The following ZNF721 variants were observed in gnomAD, a reference collection of about 807,000 sequenced individuals.
The protein encoded by ZNF721 is zinc finger protein 721.
A neutral mutation model predicts 2.4 loss-of-function variants in ZNF721; 2 were observed. That is an observed-to-expected ratio of 0.82 (90% CI 0.34 to 2.58). ZNF721 has a LOEUF of 2.58. Among genes scored for constraint, ZNF721 ranks in the 30% most tolerant of loss-of-function variants. The pLI is 0.11. For synonymous variants in ZNF721, 398 were observed against 381.8 expected (o/e 1.04, Z -0.50); for missense variants, 1,187 against 1,085.5 (o/e 1.09, Z -1.31).
intron 2 of ZNF721, among the ~76,000 whole-genome samples, chr4:465,001 C>G (rs1715198891): frequency 6.6e-6 from 1 of 151,060 alleles, no homozygotes. Flanking sequence ...AGAAGAATTG[C>G]TTGAACCCAG....
In ZNF721 at chr4:497,732, C is replaced by CCA. The variant is rs1553872716; in HGVS notation, c.-94+1323_-94+1324insTG. ...TGAAACCCGTCACTACTAAAAAATACAAAAAAAAAAAAAAAATTTGACGGG... is the reference window on the plus strand; with the variant it reads ...TGAAACCCGTCACTACTAAAAAATACCAAAAAAAAAAAAAAAAATTTGACGGG... On this transcript the variant is annotated intron_variant, in intron 1 of 2. Transcript: ENST00000511833. Among the ~76,000 whole-genome samples, 83 of 123,978 alleles carry CCA rather than the reference C, an allele frequency of 6.7e-4. 1 individual carries two copies. Among genetic ancestry groups the CCA allele is most frequent in the Middle Eastern group, 4.2e-3 (1 of 238 alleles). The allele number at this position is 123,978 out of a possible 152,430, so 81.3% of individuals were successfully genotyped here. A position where few individuals can be genotyped will look rare whatever the true frequency, so the allele number is the denominator to read the frequency against.
chr4:442,688 G>A lies in ZNF721; in HGVS notation c.1779C>T (p.Ala593=). The A allele has an allele frequency of 6.2e-7, 1 of 1,614,108 alleles. No individual in the cohort carries two copies. The highest frequency in any genetic ancestry group is 8.5e-7 in the Non-Finnish European group (1 of 1,179,994). The change falls in exon 3 of 3, where the codon GCC becomes GCT. Residue 593 remains alanine, a synonymous_variant. Coordinates refer to ENST00000511833, the MANE Select transcript of ZNF721 (RefSeq NM_133474.4). ...KPYKCEECGK[A]FGRYTDLNQH... ...GATTCAGGTCTGTGTACCGTCCAAAGGCTTTGCCACACTCTTCACATTTGT... is the reference window on the plus strand; with the variant it reads ...GATTCAGGTCTGTGTACCGTCCAAAAGCTTTGCCACACTCTTCACATTTGT...
intron 1 of ZNF721, among the ~76,000 whole-genome samples, chr4:491,527 A>G (rs1016922234): frequency 1.3e-5 from 2 of 152,370 alleles, no homozygotes; most frequent in East Asian, 3.9e-4. Context: ...CCAAATGTAA[A>G]TGTTTCAAGA....
chr4:467,783 T>A (rs1715297419), intron 2 of ZNF721, among the ~76,000 whole-genome samples: 2 of 152,234 alleles, frequency 1.3e-5, no homozygotes, highest in Admixed American at 6.5e-5. Context: ...TCAAGCCATT[T>A]GTAGTCACAG....
Position 459,008 on chromosome 4 carries a change from C to T in ZNF721, c.34+13567G>A, listed in dbSNP as rs1431372173. Among the ~76,000 whole-genome samples the T allele has an allele frequency of 2.0e-5, 3 of 152,284 alleles. No homozygotes were observed. The East Asian group carries it at 5.8e-4, about 29-fold the overall frequency. The stretch of plus-strand genomic sequence containing the variant: ...AAAGTGGGGGCCAATATTCAACATT[C>T]TTAAAGAAAATAATTTTCAACCCAG... On this transcript the variant is annotated intron_variant, in intron 2 of 2. Transcript: ENST00000511833.
chr4:472,794 G>T, intron 1 of ZNF721, 93 bp from the exon 2 acceptor site: 1 of 1,523,460 alleles, frequency 6.6e-7, no homozygotes, highest in African/African-American at 1.4e-5. Flanking sequence ...GACTGACTGG[G>T]ATTATCTGAT....
chr4:472,840 A>T, intron 1 of ZNF721, 139 bp from the exon 2 acceptor site: 1 of 1,188,974 alleles, frequency 8.4e-7, no homozygotes, highest in Non-Finnish European at 1.2e-6. Context: ...TCTCTAAAGT[A>T]TTCTATAGCT....
intron 1 of ZNF721, among the ~76,000 whole-genome samples, chr4:497,485 G>A (rs1716216151): frequency 6.6e-6 from 1 of 152,102 alleles, no homozygotes; most frequent in Non-Finnish European, 1.5e-5. Context: ...CAAAGTTAAG[G>A]ACGCCCATGA....
At chr4:483,254 A>G (rs1403230629) in intron 1 of ZNF721, among the ~76,000 whole-genome samples, 3 of 152,230 alleles carry the variant, frequency 2.0e-5, no homozygotes, top group Admixed American at 1.3e-4. Context: ...CAAACAATCT[A>G]TAACATTGCC....
chr4:495,685 C>G (rs1553872131), intron 1 of ZNF721, among the ~76,000 whole-genome samples: 8 of 151,060 alleles, frequency 5.3e-5, no homozygotes, highest in Non-Finnish European at 1.2e-4. Flanking sequence ...TCACTGCAAC[C>G]TCCACCTCCC....
intron 1 of ZNF721, among the ~76,000 whole-genome samples, chr4:492,271 A>C (rs1716043828): frequency 6.6e-6 from 1 of 152,168 alleles, no homozygotes; most frequent in African/African-American, 2.4e-5. Context: ...ATAAAACATA[A>C]AATCTGTCAG....
intron 1 of ZNF721, among the ~76,000 whole-genome samples, chr4:495,338 A>AG (rs1250426622): frequency 2.0e-5 from 3 of 151,568 alleles, no homozygotes; most frequent in Non-Finnish European, 4.4e-5. Context: ...GCTCAAAAAA[A>AG]AAAAAAAAAA....
intron 1 of ZNF721, among the ~76,000 whole-genome samples, chr4:482,784 C>A (rs782016977): frequency 6.6e-6 from 1 of 152,276 alleles, no homozygotes; most frequent in South Asian, 2.1e-4. Context: ...TGTGAGCCAC[C>A]GCGCTTGGCC....
chr4:485,791 T>A (rs1553870217), intron 1 of ZNF721, among the ~76,000 whole-genome samples: 1 of 152,020 alleles, frequency 6.6e-6, no homozygotes, highest in Non-Finnish European at 1.5e-5. Context: ...CTGGCCAACA[T>A]GGGTGAAACC....
intron 2 of ZNF721, among the ~76,000 whole-genome samples, chr4:463,996 A>C (rs1436135505): frequency 6.6e-6 from 1 of 152,246 alleles, no homozygotes; most frequent in East Asian, 1.9e-4. Context: ...AAGATGCAAA[A>C]GTACAAAGAT....
chr4:447,714 T>C (rs1168032569), intron 2 of ZNF721, among the ~76,000 whole-genome samples: 2 of 152,194 alleles, frequency 1.3e-5, no homozygotes, highest in Non-Finnish European at 2.9e-5. Context: ...TTGATGCAAA[T>C]AACCAAATTA....
intron 2 of ZNF721, among the ~76,000 whole-genome samples, chr4:454,850 A>G (rs1435718977): frequency 6.6e-6 from 1 of 152,226 alleles, no homozygotes; most frequent in Admixed American, 6.5e-5. Context: ...CCTATATGTT[A>G]GTTATTGAAA....
rs575446002 is a variant in ZNF721, at chr4:456,691, T to C, written c.35-12259A>G. On this transcript the variant is annotated intron_variant, in intron 2 of 2. Coordinates refer to ENST00000511833, the MANE Select transcript of ZNF721 (RefSeq NM_133474.4). ...GTCAAGAGATCGAGACCATTCTGGC[T>C]AACATGGTGAAACCCTGTCTCTACT... Among the ~76,000 whole-genome samples, 12 of 152,200 alleles carry C rather than the reference T, an allele frequency of 7.9e-5. No homozygotes were observed. The East Asian group carries it at 2.1e-3, about 27-fold the overall frequency.
intron 2 of ZNF721, among the ~76,000 whole-genome samples, chr4:462,192 T>A (rs1353969372): frequency 1.3e-5 from 2 of 152,102 alleles, no homozygotes; most frequent in Non-Finnish European, 2.9e-5. Context: ...GGAATACAAT[T>A]TACAAGGGAT....
Sources: gnomAD v4.1 joint callset for allele counts (sites outside exome capture counted in the v4.1 genomes callset) on GRCh38, gnomAD v4.1.1 for gene constraint, MANE v1.5 for transcripts, NCBI Gene and HGNC (gene_info 2026-07-23, HGNC 2026-07-21) for gene names.